PDE2A: variants seen among roughly 807,000 people sequenced by gnomAD.
PDE2A encodes the protein phosphodiesterase 2A, also known as cGMP-dependent 3',5'-cyclic phosphodiesterase.
Under a neutral mutation model 133.6 loss-of-function variants are expected in PDE2A, and 53 were observed. The observed-to-expected ratio is 0.40, with a 90% CI of 0.32 to 0.50. The LOEUF (loss-of-function observed/expected upper bound fraction) is 0.50, where lower values mean the gene tolerates loss of function less well. Among genes scored for constraint, PDE2A ranks in the 20% least tolerant of loss-of-function variants. The pLI, the probability that PDE2A is intolerant of heterozygous loss-of-function variation, is 0.73. For synonymous variants in PDE2A, 491 were observed against 490.2 expected (o/e 1.00, Z -0.02); for missense variants, 796 against 1,232.4 (o/e 0.65, Z 5.30).
intron 1 of PDE2A, among the ~76,000 whole-genome samples, chr11:72,650,777 G>A (rs1456779225): frequency 2.6e-5 from 4 of 152,108 alleles, no homozygotes; most frequent in African/African-American, 7.2e-5. Context: ...GCAGCCCTGA[G>A]GCTGCCCGGC....
At chr11:72,623,246 A>G (rs1461095294) in intron 2 of PDE2A, among the ~76,000 whole-genome samples, 1 of 151,730 alleles carries the variant, frequency 6.6e-6, no homozygotes, top group Non-Finnish European at 1.5e-5. Flanking sequence ...TTCCCATCTT[A>G]CCTGTGGGCC....
Position 72,589,901 on chromosome 11 carries a change from C to T in PDE2A, c.831+6G>A, listed in dbSNP as rs1477997659. On this transcript the variant is annotated splice_donor_region_variant and intron_variant, in intron 10 of 30. Coordinates refer to ENST00000334456, the MANE Select transcript of PDE2A (RefSeq NM_002599.5). ...CCCCCGCTCTACAGTGGACCTGGGC[C>T]CTCACCTTGCAAGAAAGCTGGAGAT... The T allele has an allele frequency of 2.5e-6, 4 of 1,612,686 alleles. No homozygotes were observed. Among genetic ancestry groups the T allele is most frequent in the Non-Finnish European group, 3.4e-6 (4 of 1,179,360 alleles).
At chr11:72,671,864 A>G (rs1855392818) in intron 1 of PDE2A, among the ~76,000 whole-genome samples, 1 of 151,952 alleles carries the variant, frequency 6.6e-6, no homozygotes, top group African/African-American at 2.4e-5. Context: ...AACACTACAA[A>G]GATCTCTCCC....
rs1391252334 is a variant in PDE2A, at chr11:72,584,733, C to G, written c.1360-5G>C. On this transcript the variant is annotated splice_polypyrimidine_tract_variant and splice_region_variant and intron_variant, in intron 17 of 30. Transcript: ENST00000334456. Reference sequence around the variant, plus strand: ...CGGGATGCGGATCTCATAGCTCTGCCGGAGCAGAGATGGAGTCGAGAGGAA... The same window carrying G: ...CGGGATGCGGATCTCATAGCTCTGCGGGAGCAGAGATGGAGTCGAGAGGAA... The G allele has an allele frequency of 6.2e-7, 1 of 1,612,902 alleles. No homozygotes were observed. Among genetic ancestry groups the G allele is most frequent in the African/African-American group, 1.3e-5 (1 of 74,936 alleles).
chr11:72,661,824 T>C (rs1232186163), intron 1 of PDE2A, among the ~76,000 whole-genome samples: 1 of 152,246 alleles, frequency 6.6e-6, no homozygotes, highest in Non-Finnish European at 1.5e-5. Flanking sequence ...GTACCTGTGT[T>C]GCATATCTAG....
At position 72,584,897 on chromosome 11, in the gene PDE2A, A is replaced by C; in HGVS notation, c.1334T>G (p.Phe445Cys). Residue 445 changes from phenylalanine (F) to cysteine (C), a missense_variant, in exon 17 of 31, where the codon TTC (phenylalanine) becomes TGC (cysteine). Phe to Cys is a radical substitution (Grantham distance 205). Coordinates refer to ENST00000334456, the MANE Select transcript of PDE2A (RefSeq NM_002599.5). ...LDQNELVAKVFDGGVVDDESY... is the reference protein window; with the variant it reads ...LDQNELVAKVCDGGVVDDESY... ...CTCATCATCCACCACGCCCCCGTCG[A>C]ACACCTTGGCCACCAGCTCATTCTG... 6.2e-7 allele frequency: 1 copy of C among 1,614,144 alleles called. No homozygotes were observed. The highest frequency in any genetic ancestry group is 8.5e-7 in the Non-Finnish European group (1 of 1,180,024).
At chr11:72,587,024 A>G (rs1288054961) in intron 13 of PDE2A, among the ~76,000 whole-genome samples, 1 of 152,114 alleles carries the variant, frequency 6.6e-6, no homozygotes, top group Non-Finnish European at 1.5e-5. Context: ...AACATCTCTC[A>G]GCTTCAGCCA....
intron 2 of PDE2A, chr11:72,630,974 C>T: frequency 1.1e-6 from 1 of 921,188 alleles, no homozygotes; most frequent in Non-Finnish European, 1.7e-6. Context: ...GATGTGACTC[C>T]AGCCTCCCCG....
chr11:72,665,581 G>A (rs904187541), intron 1 of PDE2A, among the ~76,000 whole-genome samples: 31 of 152,272 alleles, frequency 2.0e-4, no homozygotes, highest in Admixed American at 1.1e-3. Context: ...GCTGAGGCAC[G>A]TTCTTCTCTG....
At chr11:72,658,897 T>A (rs146868633) in intron 1 of PDE2A, among the ~76,000 whole-genome samples, 3 of 151,730 alleles carry the variant, frequency 2.0e-5, no homozygotes, top group African/African-American at 7.3e-5. Flanking sequence ...GGTCTCCCTA[T>A]GTTTCCCAGG....
chr11:72,587,811 C>T (rs930382024), intron 13 of PDE2A: 5 of 152,320 alleles, frequency 3.3e-5, no homozygotes, highest in African/African-American at 1.2e-4. Flanking sequence ...GCCCACCCAA[C>T]TGTCAACACA....
chr11:72,585,423 C>G lies in PDE2A; in HGVS notation c.1234G>C (p.Val412Leu), dbSNP rs1188539527. The change falls in exon 16 of 31, where the codon GTC becomes CTC. Residue 412 changes from valine (V) to leucine (L), a missense_variant. Val to Leu is a conservative substitution (Grantham distance 32, BLOSUM62 1). Around this residue, in one of 7 missense-constraint regions of PDE2A, gnomAD observed 31 missense variants for 70.2 expected, o/e 0.44. Transcript: ENST00000334456. ...NLFTHLDDVS[V>L]LLQEIITEAR... ...TCCGTGATGATCTCCTGGAGCAGGACAGAGACGTCATCTGGGGAAGGGAGA... is the reference window on the plus strand; with the variant it reads ...TCCGTGATGATCTCCTGGAGCAGGAGAGAGACGTCATCTGGGGAAGGGAGA... 2 of 1,614,150 alleles carry G rather than the reference C, an allele frequency of 1.2e-6. No individual in the cohort carries two copies. Among genetic ancestry groups the G allele is most frequent in the Admixed American group, 3.3e-5 (2 of 60,024 alleles).
At chr11:72,579,457 A>ACTCCTTGG in intron 26 of PDE2A, 74 bp from the exon 27 acceptor site, 1 of 1,554,710 alleles carries the variant, frequency 6.4e-7, no homozygotes, top group Non-Finnish European at 8.8e-7. Context: ...GTGAGCCTCC[A>ACTCCTTGG]CTCCTTGGCT....
At chr11:72,642,132 G>A in intron 2 of PDE2A, 122 bp downstream of exon 2, 2 of 1,284,176 alleles carry the variant, frequency 1.6e-6, no homozygotes, top group Non-Finnish European at 2.0e-6. Flanking sequence ...CCCAGCACAG[G>A]AGTAGAATTC....
At chr11:72,598,716 C>A in intron 4 of PDE2A, 1 of 1,275,994 alleles carries the variant, frequency 7.8e-7, no homozygotes, top group African/African-American at 1.5e-5. Flanking sequence ...GTCACGAGAT[C>A]ACTAGGTCAG....
chr11:72,580,021 G>A (rs1855648424), intron 25 of PDE2A: 2 of 206,828 alleles, frequency 9.7e-6, no homozygotes, highest in Non-Finnish European at 2.0e-5. Flanking sequence ...CTCAGAAAAG[G>A]AGCAGCTTAT....
At chr11:72,640,750 C>G (rs913606985) in intron 2 of PDE2A, among the ~76,000 whole-genome samples, 5 of 152,178 alleles carry the variant, frequency 3.3e-5, no homozygotes, top group Admixed American at 6.5e-5. Flanking sequence ...ACACACACAA[C>G]TACATATAGA....
intron 2 of PDE2A, among the ~76,000 whole-genome samples, chr11:72,638,554 G>A (rs1858807450): frequency 1.3e-5 from 2 of 152,232 alleles, no homozygotes; most frequent in Non-Finnish European, 1.5e-5. Flanking sequence ...GCAACTGACA[G>A]CATGGCTGGA....
At position 72,664,364 on chromosome 11, in the gene PDE2A, A is replaced by ATTTTTTTTTTTTTT. The variant is rs34217943; in HGVS notation, c.71+9759_71+9772dup. On this transcript the variant is annotated intron_variant, in intron 1 of 30. Transcript: ENST00000334456. ...CAAAATAGGGCTAGCCCCTTGAAGG[A>ATTTTTTTTTTTTTT]TTTTTTTTTTTTTTTTTTTTTTTTT... 8.3e-4 allele frequency among the ~76,000 whole-genome samples: 58 copies of ATTTTTTTTTTTTTT among 70,106 alleles called. 5 individuals carry two copies. Among genetic ancestry groups the ATTTTTTTTTTTTTT allele is most frequent in the Non-Finnish European group, 1.0e-3 (40 of 38,976 alleles). The allele number at this position is 70,106 out of a possible 152,430, so 46.0% of individuals were successfully genotyped here. A position where few individuals can be genotyped will look rare whatever the true frequency, so the allele number is the denominator to read the frequency against.
Sources: gnomAD v4.1 joint callset for allele counts (sites outside exome capture counted in the v4.1 genomes callset) on GRCh38, gnomAD v4.1.1 for gene constraint, gnomAD v4.1.1 regional missense constraint, MANE v1.5 for transcripts, NCBI Gene and HGNC (gene_info 2026-07-23, HGNC 2026-07-21) for gene names.